The following GNA15 variants were observed in gnomAD, a reference collection of about 807,000 sequenced individuals.
The protein encoded by GNA15 is G protein subunit alpha 15, also known as guanine nucleotide-binding protein subunit alpha-15.
A neutral mutation model predicts 40.1 loss-of-function variants in GNA15; 23 were observed. The observed-to-expected ratio is 0.57, with a 90% CI of 0.41 to 0.81. The LOEUF is 0.81. Among genes scored for constraint, GNA15 ranks in the 40% least tolerant of loss-of-function variants. The probability of loss-of-function intolerance (pLI) is 0.00; values close to 1 mark genes in which losing one functional copy is unlikely to be tolerated. For synonymous variants in GNA15, 226 were observed against 210.4 expected (o/e 1.07, Z -0.64); for missense variants, 522 against 515.8 (o/e 1.01, Z -0.12).
At chr19:3,146,918 C>T (rs116064399) in intron 1 of GNA15, among the ~76,000 whole-genome samples, 2,919 of 152,162 alleles carry the variant, frequency 0.019, 83 homozygotes, top group African/African-American at 0.067. Flanking sequence ...TCCTCTCTCC[C>T]CCTCCTCACT....
chr19:3,148,697 G>A lies in GNA15; in HGVS notation c.252G>A (p.Gln84=). 1 of 1,601,440 alleles carries A rather than the reference G, an allele frequency of 6.2e-7. No homozygotes were observed. Among genetic ancestry groups the A allele is most frequent in the Non-Finnish European group, 8.5e-7 (1 of 1,174,562 alleles). ...ERKGFRPLVY[Q]NIFVSMRAMI... is the part of the protein sequence containing the mutation. ...AGGGCTTCCGGCCCCTGGTCTACCA[G>A]AACATCTTCGTGTCCATGCGGGCCA... is the stretch of plus-strand genomic sequence containing the variant. Residue 84 remains glutamine (Q), a synonymous_variant, in exon 2 of 7, where the codon CAG becomes CAA. Transcript: ENST00000262958.
intron 1 of GNA15, among the ~76,000 whole-genome samples, chr19:3,147,664 T>G (rs1212721922): frequency 6.6e-6 from 1 of 151,550 alleles, no homozygotes; most frequent in Non-Finnish European, 1.5e-5. Flanking sequence ...CCCAGCACTT[T>G]GGGAGGCCGA....
At chr19:3,148,516 G>T in intron 1 of GNA15, 75 bp from the exon 2 acceptor site, 1 of 1,408,558 alleles carries the variant, frequency 7.1e-7, no homozygotes, top group Non-Finnish European at 9.5e-7. Context: ...AGTTGGGGGT[G>T]TCTGACGTGG....
At position 3,162,303 on chromosome 19, in the gene GNA15, G is replaced by A. The variant is rs143361394; in HGVS notation, c.899-490G>A. Among the ~76,000 whole-genome samples the A allele has an allele frequency of 4.8e-3, 730 of 151,942 alleles. 2 individuals carry two copies. The highest frequency in any genetic ancestry group is 7.8e-3 in the Non-Finnish European group (531 of 67,940). ...AAAAATACAAAAATTACCTGGGCAT[G>A]GTGGCAGGCGCCTGTAATCCCAGCT... On this transcript the variant is annotated intron_variant, in intron 6 of 6. Transcript: ENST00000262958.
intron 2 of GNA15, chr19:3,149,156 T>G: frequency 9.4e-6 from 2 of 211,738 alleles, no homozygotes; most frequent in Admixed American, 5.4e-5. Context: ...CAAGGATCCA[T>G]GCAGATGCCC....
chr19:3,159,346 CTTTT>C (rs112224395), intron 6 of GNA15, among the ~76,000 whole-genome samples: 5 of 115,124 alleles, frequency 4.3e-5, no homozygotes, highest in Non-Finnish European at 5.2e-5. Context: ...AATTTCTTTT[CTTTT>C]TTTTTTTTTT....
At position 3,136,494 on chromosome 19, in the gene GNA15, C is replaced by T. The variant is rs758392333; in HGVS notation, c.44C>T (p.Thr15Met). ...TGGCGCTGCTGCCCCTGGTGCCTGA[C>T]GGAGGATGAGAAGGCCGCCGCCCGG... Reference protein sequence around the residue: ...LTWRCCPWCLTEDEKAAARVD... With the variant: ...LTWRCCPWCLMEDEKAAARVD... The change falls in exon 1 of 7, where the codon ACG becomes ATG. Residue 15 changes from threonine (T) to methionine (M), a missense_variant. By Grantham distance (81) the Thr-to-Met change is moderately conservative. Transcript: ENST00000262958. The surrounding 1 kb of genome is among the most constrained non-coding windows in gnomAD (Gnocchi z 4.9). The T allele has an allele frequency of 1.3e-5, 21 of 1,557,418 alleles. No individual in the cohort carries two copies. Among genetic ancestry groups the T allele is most frequent in the African/African-American group, 2.7e-5 (2 of 73,524 alleles).
intron 6 of GNA15, among the ~76,000 whole-genome samples, chr19:3,161,548 T>C (rs1262117092): frequency 6.6e-6 from 1 of 152,166 alleles, no homozygotes; most frequent in Non-Finnish European, 1.5e-5. Context: ...GACGTCAAGT[T>C]GTTCCAGGAT....
chr19:3,138,897 C>G (rs139669233), intron 1 of GNA15, among the ~76,000 whole-genome samples: 2,821 of 149,204 alleles, frequency 0.019, 80 homozygotes, highest in African/African-American at 0.066. Context: ...CTTGGCCTCC[C>G]GAAGTGTTGG....
In GNA15 at chr19:3,151,800, C is replaced by G. The variant is rs115644662; in HGVS notation, c.579C>G (p.Asn193Lys). 1 of 1,612,566 alleles carries G rather than the reference C, an allele frequency of 6.2e-7. No homozygotes were observed. Reference sequence around the variant, plus strand: ...GCCGCATGCCCACCACTGGCATCAACGAGTACTGCTTCTCCGTGCAGAAAA... The same window carrying G: ...GCCGCATGCCCACCACTGGCATCAAGGAGTACTGCTTCTCCGTGCAGAAAA... The part of the protein sequence containing the change: ...LRSRMPTTGI[N>K]EYCFSVQKTN... Residue 193 changes from asparagine (N) to lysine (K), a missense_variant, in exon 4 of 7, where the codon AAC (asparagine) becomes AAG (lysine). Physicochemically the swap from Asn to Lys is moderately conservative, Grantham distance 94. Coordinates refer to ENST00000262958, the MANE Select transcript of GNA15 (RefSeq NM_002068.4). The surrounding 1 kb of genome is among the most constrained non-coding windows in gnomAD (Gnocchi z 5.0).
chr19:3,163,019 A>G lies in GNA15; in HGVS notation c.1125A>G (p.Ter375TrpextTer68). Residue 375 changes from the stop codon to tryptophan (W), a stop_lost, in exon 7 of 7, where the codon TGA (stop) becomes TGG (tryptophan). Transcript: ENST00000262958. Reference protein sequence around the residue: ...ARYLDEINLL* With the variant: ...ARYLDEINLLW Reference sequence around the variant, plus strand: ...ACCTGGACGAGATCAACCTGCTGTGACCCAGGCCCCACCTGGGGCAGGCGG... The same window carrying G: ...ACCTGGACGAGATCAACCTGCTGTGGCCCAGGCCCCACCTGGGGCAGGCGG... 1.2e-6 allele frequency: 2 copies of G among 1,609,196 alleles called. No homozygotes were observed. Among genetic ancestry groups the G allele is most frequent in the Non-Finnish European group, 1.7e-6 (2 of 1,175,862 alleles).
chr19:3,142,964 G>C (rs1451145787), intron 1 of GNA15: 5 of 152,216 alleles, frequency 3.3e-5, no homozygotes, highest in Non-Finnish European at 7.3e-5. Flanking sequence ...AAAAAGTCCA[G>C]TCATCGGCAG....
At chr19:3,152,209 G>T (rs796256252) in intron 4 of GNA15, among the ~76,000 whole-genome samples, 3 of 152,280 alleles carry the variant, frequency 2.0e-5, no homozygotes, top group African/African-American at 7.2e-5. Context: ...GGGGAGCTCA[G>T]AGGTGATCCC....
Position 3,151,885 on chromosome 19 carries a change from A to G in GNA15, c.614+50A>G. On this transcript the variant is annotated intron_variant, in intron 4 of 6. Transcript: ENST00000262958. The surrounding 1 kb of genome is among the most constrained non-coding windows in gnomAD (Gnocchi z 5.0). ...CTAGGGGGCAGGGAAGGCTTCCTGT[A>G]GGAAGGGCAAAGGAGCTGGGGCCCT... 7.0e-7 allele frequency: 1 copy of G among 1,433,478 alleles called. No individual in the cohort carries two copies. 88.8% of individuals were successfully genotyped at this position (1,433,478 alleles called of 1,614,324 possible). A position where few individuals can be genotyped will look rare whatever the true frequency, so the allele number is the denominator to read the frequency against.
chr19:3,157,600 T>C (rs960756618), intron 5 of GNA15, 128 bp from the exon 6 acceptor site: 7 of 768,178 alleles, frequency 9.1e-6, no homozygotes, highest in Non-Finnish European at 1.5e-5. Context: ...CACACCCGCC[T>C]CAGCCCCAGC....
chr19:3,137,035 A>G (rs1340148958), intron 1 of GNA15, among the ~76,000 whole-genome samples: 1 of 152,222 alleles, frequency 6.6e-6, no homozygotes, highest in African/African-American at 2.4e-5. Context: ...CCTCCCTGCC[A>G]TGGCTGGAGA....
Position 3,148,740 on chromosome 19 carries a change from C to G in GNA15, c.295C>G (p.Arg99Gly). ...SMRAMIEAMERLQIPFSRPES... is the reference protein window; with the variant it reads ...SMRAMIEAMEGLQIPFSRPES... ...GCGGGCCATGATCGAGGCCATGGAG[C>G]GGCTGCAGATTCCATTCAGCAGGCC... The change falls in exon 2 of 7, where the codon CGG (arginine) becomes GGG (glycine). Residue 99 changes from arginine (R) to glycine (G), a missense_variant. Transcript: ENST00000262958. 3 of 1,602,866 alleles carry G rather than the reference C, an allele frequency of 1.9e-6. No individual in the cohort carries two copies. Among genetic ancestry groups the G allele is most frequent in the Non-Finnish European group, 2.6e-6 (3 of 1,175,302 alleles).
rs1487206772 is a variant in GNA15, at chr19:3,151,716, C to G, written c.495C>G (p.Ser165=). The change falls in exon 4 of 7, where the codon TCC becomes TCG. Residue 165 remains serine, a synonymous_variant. Coordinates refer to ENST00000262958, the MANE Select transcript of GNA15 (RefSeq NM_002068.4). This position sits in a 1 kb window ranked among gnomAD's most constrained non-coding sequence, Gnocchi z 5.0. The part of the protein sequence containing the change: ...HLLDSAVYYL[S]HLERITEEGY... The stretch of plus-strand genomic sequence containing the variant: ...ACTCCTTGCTCTGCAGCTACCTGTC[C>G]CACCTGGAGCGCATCACCGAGGAGG... 2 of 1,598,508 alleles carry G rather than the reference C, an allele frequency of 1.3e-6. No homozygotes were observed. Among genetic ancestry groups the G allele is most frequent in the Non-Finnish European group, 1.7e-6 (2 of 1,173,192 alleles).
chr19:3,153,524 A>G (rs1337751191), intron 4 of GNA15, among the ~76,000 whole-genome samples: 1 of 149,918 alleles, frequency 6.7e-6, no homozygotes, highest in Middle Eastern at 3.6e-3. Context: ...TGAATGGATG[A>G]GTGGGTGGAT....
Sources: allele counts gnomAD v4.1 joint callset (sites outside exome capture counted in the v4.1 genomes callset), GRCh38; gene constraint gnomAD v4.1.1; non-coding constraint Gnocchi (gnomAD v3.1); transcripts MANE v1.5; gene names NCBI Gene and HGNC (gene_info 2026-07-23, HGNC 2026-07-21).